Variants in SGSM1 observed in about 807,000 individuals in gnomAD.
The protein encoded by SGSM1 is small G protein signaling modulator 1.
A neutral mutation model predicts 133.8 loss-of-function variants in SGSM1; 73 were observed. The ratio of observed to expected loss-of-function variants is 0.55; its 90% CI spans 0.45 to 0.66. The LOEUF is 0.66. Ranked by LOEUF, SGSM1 falls within the 30% of genes least tolerant of loss-of-function variation. SGSM1 has a pLI of 0.00. For missense variants in SGSM1, 1,213 were observed against 1,448.1 expected (o/e 0.84, Z 2.64); for synonymous variants, 563 against 573.0 (o/e 0.98, Z 0.25).
intron 21 of SGSM1, among the ~76,000 whole-genome samples, chr22:24,912,017 T>C (rs1423212739): frequency 6.7e-6 from 1 of 148,596 alleles, no homozygotes; most frequent in African/African-American, 2.5e-5. Flanking sequence ...ATTGCGCCAC[T>C]GCACTCCAGC....
chr22:24,857,634 C>T, intron 8 of SGSM1, among the ~76,000 whole-genome samples: 1 of 152,184 alleles, frequency 6.6e-6, no homozygotes, highest in East Asian at 1.9e-4. Context: ...AAACTTCTTC[C>T]AGTTCAGAGT....
chr22:24,869,826 G>A (rs550204035), intron 12 of SGSM1, among the ~76,000 whole-genome samples: 4 of 152,182 alleles, frequency 2.6e-5, no homozygotes, highest in African/African-American at 9.7e-5. Flanking sequence ...GCAAATGGAA[G>A]TTCTTACTAG....
chr22:24,807,721 T>C (rs175663), intron 2 of SGSM1, among the ~76,000 whole-genome samples: 36,074 of 152,046 alleles, frequency 0.24, 7,360 homozygotes, highest in African/African-American at 0.55. Flanking sequence ...TGTGTGTACA[T>C]GCGTGCATGT....
Position 24,905,071 on chromosome 22 carries a change from G to A in SGSM1, c.2736-34G>A, listed in dbSNP as rs12157296. The A allele has an allele frequency of 3.0e-4, 487 of 1,599,634 alleles. 3 individuals carry two copies. The African/African-American group carries it at 5.3e-3, about 18-fold the overall frequency. On this transcript the variant is annotated intron_variant, in intron 20 of 24. Transcript: ENST00000400358. ...GGAGTGGGTTGGAGAGGCAGGCCACGGCTGCCATCATTGGCCCCTTGTGTC... is the reference window on the plus strand; with the variant it reads ...GGAGTGGGTTGGAGAGGCAGGCCACAGCTGCCATCATTGGCCCCTTGTGTC...
chr22:24,845,262 G>A (rs1227509163), intron 3 of SGSM1, among the ~76,000 whole-genome samples: 1 of 152,150 alleles, frequency 6.6e-6, no homozygotes, highest in African/African-American at 2.4e-5. Context: ...TGAGGAATGG[G>A]CTCCCTGTCC....
At chr22:24,909,846 A>G (rs1411022108) in intron 21 of SGSM1, among the ~76,000 whole-genome samples, 2 of 152,214 alleles carry the variant, frequency 1.3e-5, no homozygotes, top group Non-Finnish European at 2.9e-5. Context: ...CCGTAGATAT[A>G]TGCCTAAGAG....
chr22:24,856,406 G>T (rs185456037), intron 8 of SGSM1, among the ~76,000 whole-genome samples: 1 of 152,258 alleles, frequency 6.6e-6, no homozygotes, highest in East Asian at 1.9e-4. Context: ...TTGAATTCAG[G>T]CCAGCTGGTG....
intron 18 of SGSM1, 59 bp downstream of exon 18, chr22:24,895,350 A>G: frequency 1.3e-6 from 2 of 1,553,372 alleles, no homozygotes; most frequent in Non-Finnish European, 1.8e-6. Context: ...GCCTGGGGTC[A>G]TGGGGGTTGG....
intron 2 of SGSM1, among the ~76,000 whole-genome samples, chr22:24,816,896 T>C (rs67278363): frequency 0.28 from 43,182 of 152,022 alleles, 6,781 homozygotes; most frequent in East Asian, 0.59. Flanking sequence ...GAAAACCTTC[T>C]CTTCCTAAGG....
intron 23 of SGSM1, among the ~76,000 whole-genome samples, chr22:24,919,034 C>A (rs1467032568): frequency 6.7e-6 from 1 of 149,052 alleles, no homozygotes; most frequent in Admixed American, 6.7e-5. Flanking sequence ...AGCCACCACA[C>A]CCGGCCTTTT....
At chr22:24,886,489 A>G in intron 15 of SGSM1, 111 bp from the exon 16 acceptor site, 1 of 1,366,308 alleles carries the variant, frequency 7.3e-7, no homozygotes, top group South Asian at 1.4e-5. Context: ...AGATCACTGA[A>G]GGTCAGGAGT....
In SGSM1 at chr22:24,886,742, C is replaced by G. The variant is rs1414600080; in HGVS notation, c.1770+14C>G. ...GAAAGGAAAGAGGTCGGTTACCTGCCATGGGCACTGGGATCTTTGGCAACA... is the reference window on the plus strand; with the variant it reads ...GAAAGGAAAGAGGTCGGTTACCTGCGATGGGCACTGGGATCTTTGGCAACA... On this transcript the variant is annotated intron_variant, in intron 16 of 24. Transcript: ENST00000400358. 8 of 1,577,160 alleles carry G rather than the reference C, an allele frequency of 5.1e-6. No homozygotes were observed. Among genetic ancestry groups the G allele is most frequent in the Middle Eastern group, 1.7e-4 (1 of 6,032 alleles).
intron 4 of SGSM1, among the ~76,000 whole-genome samples, chr22:24,849,271 C>T (rs1377717266): frequency 6.6e-6 from 1 of 150,430 alleles, no homozygotes; most frequent in African/African-American, 2.4e-5. Flanking sequence ...AAATGAGTTG[C>T]GGCCAGGTGC....
rs1934222360 is a variant in SGSM1, at chr22:24,926,768, C to G, written c.*2494C>G. The G allele has an allele frequency of 6.6e-6, 1 of 151,884 alleles. No homozygotes were observed. The highest frequency in any genetic ancestry group is 1.5e-5 in the Non-Finnish European group (1 of 67,996). 9.4% of individuals were successfully genotyped at this position (151,884 alleles called of 1,614,324 possible). ...GAGTGCACTCTTTTTTTCAGTGTGG[C>G]CCACATATCTTGTAAATGTTTGCTG... On this transcript the variant is annotated 3_prime_UTR_variant, in exon 25 of 25. Transcript: ENST00000400358.
At position 24,860,897 on chromosome 22, in the gene SGSM1, TAAAAAAAA is replaced by T. The variant is rs554853690; in HGVS notation, c.926+1076_926+1083del. Among the ~76,000 whole-genome samples the T allele has an allele frequency of 1.8e-3, 80 of 43,862 alleles. 1 individual carries two copies. Among genetic ancestry groups the T allele is most frequent in the African/African-American group, 5.7e-3 (68 of 11,994 alleles). The allele number at this position is 43,862 out of a possible 152,430, so 28.8% of individuals were successfully genotyped here. On this transcript the variant is annotated intron_variant, in intron 9 of 24. Transcript: ENST00000400358. ...CCTGGGTGACAGAGCGAGACTGTCT[TAAAAAAAA>T]AAAAAAAAAAAAAAAAAATATATAT...
intron 2 of SGSM1, among the ~76,000 whole-genome samples, chr22:24,836,115 C>A (rs993628085): frequency 1.3e-5 from 2 of 152,166 alleles, no homozygotes; most frequent in Non-Finnish European, 2.9e-5. Flanking sequence ...CATTTCTCCT[C>A]TCCCCAGCCC....
chr22:24,846,903 C>T (rs192632621), intron 3 of SGSM1, among the ~76,000 whole-genome samples: 1,689 of 151,530 alleles, frequency 0.011, 11 homozygotes, highest in South Asian at 0.022. Flanking sequence ...TGCAGTGGCG[C>T]GATCTCAGCT....
At chr22:24,809,107 G>C (rs1381648071) in intron 2 of SGSM1, among the ~76,000 whole-genome samples, 1 of 152,152 alleles carries the variant, frequency 6.6e-6, no homozygotes, top group Non-Finnish European at 1.5e-5. Flanking sequence ...ATTCAACATA[G>C]GTACCCTAAG....
At position 24,924,512 on chromosome 22, in the gene SGSM1, C is replaced by A; in HGVS notation, c.*238C>A. On this transcript the variant is annotated 3_prime_UTR_variant, in exon 25 of 25. Coordinates refer to ENST00000400358, the MANE Select transcript of SGSM1 (RefSeq NM_001098497.3). Reference sequence around the variant, plus strand: ...TTGACCAAAGATTGCCCAAGTCTGGCGTTCCTCCCTTGCAGGAGGTGGAGG... The same window carrying A: ...TTGACCAAAGATTGCCCAAGTCTGGAGTTCCTCCCTTGCAGGAGGTGGAGG... 1.9e-6 allele frequency: 1 copy of A among 522,642 alleles called. No homozygotes were observed. The highest frequency in any genetic ancestry group is 3.4e-6 in the Non-Finnish European group (1 of 291,322). The allele number at this position is 522,642 out of a possible 1,614,324, so 32.4% of individuals were successfully genotyped here.
Sources: gnomAD v4.1 joint callset for allele counts (sites outside exome capture counted in the v4.1 genomes callset) on GRCh38, gnomAD v4.1.1 for gene constraint, MANE v1.5 for transcripts, NCBI Gene and HGNC (gene_info 2026-07-23, HGNC 2026-07-21) for gene names.